Variants in SPAST observed in about 807,000 individuals in gnomAD.
SPAST encodes spastic paraplegia 4 (autosomal dominant; spastin).
Under a neutral mutation model 76.6 loss-of-function variants are expected in SPAST, and 30 were observed. The ratio of observed to expected loss-of-function variants is 0.39; its 90% CI spans 0.29 to 0.53. SPAST has a LOEUF of 0.53. SPAST is among the 20% of genes least tolerant of loss of function. SPAST has a pLI of 0.68. For missense variants in SPAST, 717 were observed against 770.5 expected (o/e 0.93, Z 0.82); for synonymous variants, 305 against 281.0 (o/e 1.09, Z -0.86).
chr2:32,088,682 A>T (rs937147223), intron 2 of SPAST, among the ~76,000 whole-genome samples: 28 of 150,330 alleles, frequency 1.9e-4, no homozygotes, highest in African/African-American at 6.6e-4. Context: ...TCATTTAATT[A>T]AAAATGCCTT....
chr2:32,104,340 T>A (rs1290222005), intron 4 of SPAST, among the ~76,000 whole-genome samples: 1 of 152,206 alleles, frequency 6.6e-6, no homozygotes, highest in East Asian at 1.9e-4. Context: ...TGAGCCTATG[T>A]GTGTCTCTGC....
intron 4 of SPAST, among the ~76,000 whole-genome samples, chr2:32,107,702 T>C (rs1678378710): frequency 6.6e-6 from 1 of 152,186 alleles, no homozygotes; most frequent in Admixed American, 6.5e-5. Flanking sequence ...CCTAAGCAGT[T>C]CTGGTCCCAA....
At chr2:32,104,797 T>C (rs181776384) in intron 4 of SPAST, among the ~76,000 whole-genome samples, 1 of 152,360 alleles carries the variant, frequency 6.6e-6, no homozygotes, top group African/African-American at 2.4e-5. Flanking sequence ...TCTTCTGGTT[T>C]TTAGAGTTTC....
chr2:32,111,230 G>A (rs145936950), intron 4 of SPAST, among the ~76,000 whole-genome samples: 16,331 of 103,018 alleles, frequency 0.16, 2,637 homozygotes, highest in East Asian at 0.36. Flanking sequence ...TGTGTATAGC[G>A]TATATATACA....
intron 1 of SPAST, among the ~76,000 whole-genome samples, chr2:32,071,641 G>T (rs978621496): frequency 6.6e-6 from 1 of 152,164 alleles, no homozygotes; most frequent in Admixed American, 6.5e-5. Context: ...GGTTCCATCT[G>T]GAAAGGCAGG....
chr2:32,139,273 A>G (rs778366494), intron 12 of SPAST, among the ~76,000 whole-genome samples: 64 of 152,150 alleles, frequency 4.2e-4, no homozygotes, highest in Non-Finnish European at 7.2e-4. Context: ...GACCAGATAA[A>G]TCAGGCAAGA....
rs531238972 is a variant in SPAST at position 32,097,395 on chromosome 2, C to T, written c.587-1401C>T. On this transcript the variant is annotated intron_variant, in intron 3 of 16. Coordinates refer to ENST00000315285, the MANE Select transcript of SPAST (RefSeq NM_014946.4). Reference sequence around the variant, plus strand: ...TGAAAAGCATCCATCCCATTCTATGCCCTGGCTACCCATTTCCCCTCCCTA... The same window carrying T: ...TGAAAAGCATCCATCCCATTCTATGTCCTGGCTACCCATTTCCCCTCCCTA... Among the ~76,000 whole-genome samples the T allele has an allele frequency of 1.7e-4, 26 of 152,242 alleles. No homozygotes were observed. In the South Asian group the frequency reaches 5.2e-3, roughly 30 times the overall value.
chr2:32,128,931 CCT>C (rs1378342836), intron 9 of SPAST: 4 of 206,254 alleles, frequency 1.9e-5, no homozygotes, highest in African/African-American at 9.4e-5. Flanking sequence ...TGGCATTCTC[CCT>C]GTGTCTGTCA....
intron 4 of SPAST, among the ~76,000 whole-genome samples, chr2:32,110,575 ATATATAGTGTATATATCGTATATACAC>A (rs1678528586): frequency 3.3e-4 from 42 of 128,248 alleles, no homozygotes; most frequent in South Asian, 4.7e-4. Flanking sequence ...TATATAGTAT[ATATATAGTGTATATATCGTATATACAC>A]TATATACTAT....
chr2:32,146,922 T>C, intron 15 of SPAST, among the ~76,000 whole-genome samples: 1 of 141,508 alleles, frequency 7.1e-6, no homozygotes, highest in Non-Finnish European at 1.5e-5. Flanking sequence ...AAAAGACTAA[T>C]GCATTTTGTA....
chr2:32,134,995 C>T (rs531073594), intron 9 of SPAST, among the ~76,000 whole-genome samples: 1 of 152,224 alleles, frequency 6.6e-6, no homozygotes, highest in East Asian at 1.9e-4. Flanking sequence ...CGCACCCGGC[C>T]TCTAGCGTAA....
intron 9 of SPAST, among the ~76,000 whole-genome samples, chr2:32,132,529 CT>C (rs34112329): frequency 0.091 from 13,458 of 147,932 alleles, 631 homozygotes; most frequent in South Asian, 0.14. Context: ...AAAACTCAAT[CT>C]TTTTTTTTTT....
Position 32,098,777 on chromosome 2 carries a change from T to C in SPAST, c.587-19T>C. On this transcript the variant is annotated intron_variant, in intron 3 of 16. Coordinates refer to ENST00000315285, the MANE Select transcript of SPAST (RefSeq NM_014946.4). The stretch of plus-strand genomic sequence containing the variant: ...CTTTTTGTTTATTTTTTCTGTTTTT[T>C]ACCTTCTCTGTTGCATAGAGAAGAT... 6.6e-7 allele frequency: 1 copy of C among 1,524,728 alleles called. No individual in the cohort carries two copies. The highest frequency in any genetic ancestry group is 9.1e-7 in the Non-Finnish European group (1 of 1,098,824). 94.4% of individuals were successfully genotyped at this position (1,524,728 alleles called of 1,614,324 possible). A position where few individuals can be genotyped will look rare whatever the true frequency, so the allele number is the denominator to read the frequency against.
chr2:32,097,048 G>C (rs1366951615), intron 3 of SPAST, among the ~76,000 whole-genome samples: 1 of 152,178 alleles, frequency 6.6e-6, no homozygotes, highest in Non-Finnish European at 1.5e-5. Context: ...TCAAACTTTA[G>C]AAATGAAAGT....
Position 32,109,000 on chromosome 2 carries a change from G to A in SPAST, c.683-5638G>A, listed in dbSNP as rs112159837. Among the ~76,000 whole-genome samples, 443 of 151,586 alleles carry A rather than the reference G, an allele frequency of 2.9e-3. 5 individuals carry two copies. The highest frequency in any genetic ancestry group is 0.01 in the African/African-American group (419 of 41,292). ...AGGATGATCTCGATCTCCTGACCTCGATCCACCTGCCTTGGCCTCCCACAG... is the reference window on the plus strand; with the variant it reads ...AGGATGATCTCGATCTCCTGACCTCAATCCACCTGCCTTGGCCTCCCACAG... On this transcript the variant is annotated intron_variant, in intron 4 of 16. Transcript: ENST00000315285.
chr2:32,121,992 G>T (rs1679037388), intron 7 of SPAST, among the ~76,000 whole-genome samples: 1 of 152,118 alleles, frequency 6.6e-6, no homozygotes, highest in Non-Finnish European at 1.5e-5. Context: ...TCTCTCAAAT[G>T]TCTGGTTATT....
intron 14 of SPAST, among the ~76,000 whole-genome samples, chr2:32,144,037 G>A (rs1458606592): frequency 6.6e-6 from 1 of 152,122 alleles, no homozygotes; most frequent in Non-Finnish European, 1.5e-5. Flanking sequence ...TATGAACAGT[G>A]TGAAGTAGAA....
intron 1 of SPAST, among the ~76,000 whole-genome samples, chr2:32,083,865 G>A (rs1283358472): frequency 6.9e-6 from 1 of 144,140 alleles, no homozygotes. Flanking sequence ...CTCAACCTCT[G>A]CCTCCCAGGT....
chr2:32,063,649 C>CTCCT lies in SPAST; in HGVS notation c.-182_-179dup. ...GACTGCAGGAGGAGAAGGGGTTGTGCTCCTGGCCGAGGAAGGAGAAAGGGG... is the reference window on the plus strand; with the variant it reads ...GACTGCAGGAGGAGAAGGGGTTGTGCTCCTTCCTGGCCGAGGAAGGAGAAAGGGG... On this transcript the variant is annotated 5_prime_UTR_variant, in exon 1 of 17. Coordinates refer to ENST00000315285, the MANE Select transcript of SPAST (RefSeq NM_014946.4). The CTCCT allele has an allele frequency of 1.4e-6, 1 of 734,878 alleles. No individual in the cohort carries two copies. Among genetic ancestry groups the CTCCT allele is most frequent in the Non-Finnish European group, 2.1e-6 (1 of 465,748 alleles). The allele number at this position is 734,878 out of a possible 1,614,324, so 45.5% of individuals were successfully genotyped here.
Sources: allele counts gnomAD v4.1 joint callset (sites outside exome capture counted in the v4.1 genomes callset), GRCh38; gene constraint gnomAD v4.1.1; transcripts MANE v1.5; gene names NCBI Gene and HGNC (gene_info 2026-07-23, HGNC 2026-07-21).